WDR70: variants seen among roughly 807,000 people sequenced by gnomAD.
WDR70 encodes WD repeat-containing protein 70.
A neutral mutation model predicts 88.6 loss-of-function variants in WDR70; 53 were observed. That is an observed-to-expected ratio of 0.60 (90% CI 0.48 to 0.75). The LOEUF (loss-of-function observed/expected upper bound fraction) is 0.75, where lower values mean the gene tolerates loss of function less well. Ranked by LOEUF, WDR70 falls within the 30% of genes least tolerant of loss-of-function variation. The pLI is 0.00. For synonymous variants in WDR70, 280 were observed against 270.0 expected (o/e 1.04, Z -0.36); for missense variants, 610 against 823.2 (o/e 0.74, Z 3.17).
intron 13 of WDR70, among the ~76,000 whole-genome samples, chr5:37,705,814 A>G (rs917698289): frequency 2.0e-5 from 3 of 152,212 alleles, no homozygotes; most frequent in Admixed American, 2.0e-4. Flanking sequence ...GATTCTTAAT[A>G]TCAGCAGTTA....
intron 5 of WDR70, among the ~76,000 whole-genome samples, chr5:37,401,244 A>C (rs1749183674): frequency 7.0e-6 from 1 of 141,906 alleles, no homozygotes; most frequent in Non-Finnish European, 1.5e-5. Flanking sequence ...TCCTGGGCTC[A>C]AGTGATCCTC....
intron 9 of WDR70, among the ~76,000 whole-genome samples, chr5:37,537,867 T>A (rs973352426): frequency 6.6e-6 from 1 of 152,190 alleles, no homozygotes; most frequent in Non-Finnish European, 1.5e-5. Flanking sequence ...CGAGAACAAC[T>A]AGCATCTGAT....
At position 37,724,118 on chromosome 5, in the gene WDR70, A is replaced by G. The variant is rs1054505165; in HGVS notation, c.1598-816A>G. ...TTTAAAGGGGGTTTAATCTGCACGT[A>G]AGAGTCAAAAGAAACTGCTAGTACT... On this transcript the variant is annotated intron_variant, in intron 15 of 17. Coordinates refer to ENST00000265107, the MANE Select transcript of WDR70 (RefSeq NM_018034.4). The G allele has an allele frequency of 7.2e-5, 11 of 152,278 alleles. No homozygotes were observed. The East Asian group carries it at 1.2e-3, about 16-fold the overall frequency. The allele number at this position is 152,278 out of a possible 1,614,324, so 9.4% of individuals were successfully genotyped here.
chr5:37,689,350 G>A lies in WDR70; in HGVS notation c.1093-8305G>A, dbSNP rs917116204. On this transcript the variant is annotated intron_variant, in intron 10 of 17. Transcript: ENST00000265107. ...AGAGCAGTGGTTCTCCCAGCATGGC[G>A]TTTGAGCTCTGAGAACGGACAGACT... Among the ~76,000 whole-genome samples, 5 of 152,334 alleles carry A rather than the reference G, an allele frequency of 3.3e-5. No individual in the cohort carries two copies. In the East Asian group the frequency reaches 7.7e-4, roughly 24 times the overall value.
intron 9 of WDR70, among the ~76,000 whole-genome samples, chr5:37,519,770 C>T (rs1294106297): frequency 2.0e-5 from 3 of 152,232 alleles, no homozygotes; most frequent in Admixed American, 1.3e-4. Context: ...TTACTGATTT[C>T]CTTTGTTTTG....
At position 37,433,046 on chromosome 5, in the gene WDR70, C is replaced by T. The variant is rs114455628; in HGVS notation, c.493-4876C>T. ...TCTTTTGATGCCCAGAACACCTTGG[C>T]GATATTTTAAAATCTCAGATTTTTT... On this transcript the variant is annotated intron_variant, in intron 5 of 17. Transcript: ENST00000265107. Among the ~76,000 whole-genome samples the T allele has an allele frequency of 1.3e-3, 204 of 152,100 alleles. 1 individual carries two copies. Among genetic ancestry groups the T allele is most frequent in the African/African-American group, 4.6e-3 (189 of 41,500 alleles).
intron 5 of WDR70, among the ~76,000 whole-genome samples, chr5:37,410,613 A>T (rs1447333431): frequency 6.6e-6 from 1 of 152,138 alleles, no homozygotes; most frequent in Non-Finnish European, 1.5e-5. Context: ...GAACTTTTGT[A>T]TGAAAGGTAT....
At chr5:37,480,649 C>T (rs762136289) in intron 8 of WDR70, among the ~76,000 whole-genome samples, 6 of 152,134 alleles carry the variant, frequency 3.9e-5, no homozygotes, top group African/African-American at 7.2e-5. Context: ...CACCTGGCCC[C>T]GCCCTTGACA....
At chr5:37,682,314 G>T (rs1182563039) in intron 10 of WDR70, among the ~76,000 whole-genome samples, 1 of 151,780 alleles carries the variant, frequency 6.6e-6, no homozygotes. Context: ...TTGGGTCTTA[G>T]CTCTTTTCTT....
At chr5:37,559,195 G>A (rs534145942) in intron 9 of WDR70, among the ~76,000 whole-genome samples, 26 of 152,132 alleles carry the variant, frequency 1.7e-4, no homozygotes, top group Non-Finnish European at 3.7e-4. Flanking sequence ...GCCTCCCTAA[G>A]TACTGGGATT....
At chr5:37,639,874 C>A (rs551813051) in intron 10 of WDR70, among the ~76,000 whole-genome samples, 1 of 152,090 alleles carries the variant, frequency 6.6e-6, no homozygotes, top group African/African-American at 2.4e-5. Context: ...TTGATCATTG[C>A]CAGAAGTGGT....
intron 5 of WDR70, among the ~76,000 whole-genome samples, chr5:37,401,164 ATTTTTTT>A (rs559450523): frequency 5.8e-5 from 4 of 69,124 alleles, no homozygotes; most frequent in Admixed American, 2.4e-4. Flanking sequence ...ACACCTAGCT[ATTTTTTT>A]TTTTTTTTTT....
At chr5:37,678,273 C>G (rs200656936) in intron 10 of WDR70, among the ~76,000 whole-genome samples, 7 of 151,044 alleles carry the variant, frequency 4.6e-5, no homozygotes, top group East Asian at 2.0e-4. Flanking sequence ...ATCCTGTCAT[C>G]ATGATGTTAG....
intron 9 of WDR70, among the ~76,000 whole-genome samples, chr5:37,584,951 TAAA>T (rs943434921): frequency 2.7e-5 from 4 of 150,004 alleles, no homozygotes; most frequent in Non-Finnish European, 5.9e-5. Context: ...TTAACATAAA[TAAA>T]AAACAGTCAT....
rs1747894396 is a variant in WDR70 at position 37,723,838 on chromosome 5, AT to A, written c.1597+908del. On this transcript the variant is annotated intron_variant, in intron 15 of 17. Coordinates refer to ENST00000265107, the MANE Select transcript of WDR70 (RefSeq NM_018034.4). ...CTCCAGTCGTTTGAAGTGAAAAGCT[AT>A]TTTCCCCCTCCTAAAAATACTGTTG... 2.0e-5 allele frequency: 3 copies of A among 152,156 alleles called. No individual in the cohort carries two copies. In the South Asian group the frequency reaches 6.2e-4, roughly 32 times the overall value. The allele number at this position is 152,156 out of a possible 1,614,324, so 9.4% of individuals were successfully genotyped here. A position where few individuals can be genotyped will look rare whatever the true frequency, so the allele number is the denominator to read the frequency against.
chr5:37,588,310 GC>G (rs1743422025), intron 9 of WDR70, among the ~76,000 whole-genome samples: 1 of 152,090 alleles, frequency 6.6e-6, no homozygotes, highest in Non-Finnish European at 1.5e-5. Flanking sequence ...GAAATATGAA[GC>G]ATCTTTGCCA....
At position 37,567,956 on chromosome 5, in the gene WDR70, A is replaced by C. The variant is rs528791233; in HGVS notation, c.918-37108A>C. Among the ~76,000 whole-genome samples, 3 of 152,214 alleles carry C rather than the reference A, an allele frequency of 2.0e-5. No homozygotes were observed. In the East Asian group the frequency reaches 5.8e-4, roughly 29 times the overall value. ...ATATCACTTGGATTTGAAGATCTGC[A>C]TGCTTTTAAGCTTATCTGTTATTTG... On this transcript the variant is annotated intron_variant, in intron 9 of 17. Transcript: ENST00000265107.
intron 8 of WDR70, among the ~76,000 whole-genome samples, chr5:37,502,060 G>C (rs530421953): frequency 6.6e-6 from 1 of 152,252 alleles, no homozygotes; most frequent in Non-Finnish European, 1.5e-5. Flanking sequence ...TCTTGCAATT[G>C]ATGAGCATGG....
At chr5:37,717,501 G>A (rs141674561) in intron 13 of WDR70, among the ~76,000 whole-genome samples, 6 of 152,216 alleles carry the variant, frequency 3.9e-5, no homozygotes, top group East Asian at 1.9e-4. Context: ...AATGTGTCAC[G>A]CTCCCAGTAA....
Sources: gnomAD v4.1 joint callset for allele counts (sites outside exome capture counted in the v4.1 genomes callset) on GRCh38, gnomAD v4.1.1 for gene constraint, MANE v1.5 for transcripts, NCBI Gene and HGNC (gene_info 2026-07-23, HGNC 2026-07-21) for gene names.